Variants in ADTRP observed in about 807,000 individuals in gnomAD.
ADTRP encodes the protein androgen dependent TFPI regulating protein.
A neutral mutation model predicts 27.0 loss-of-function variants in ADTRP; 20 were observed. The observed-to-expected ratio is 0.74, with a 90% CI of 0.52 to 1.08. The LOEUF is 1.08. Among genes scored for constraint, ADTRP ranks in the 50% least tolerant of loss-of-function variants. The pLI is 0.00. For missense variants in ADTRP, 251 were observed against 275.0 expected (o/e 0.91, Z 0.62); for synonymous variants, 101 against 105.2 (o/e 0.96, Z 0.25).
chr6:11,715,653 T>C (rs1190942072), intron 5 of ADTRP, among the ~76,000 whole-genome samples: 1 of 26,864 alleles, frequency 3.7e-5, no homozygotes, highest in Non-Finnish European at 1.5e-4. Context: ...TTTCCCTTTT[T>C]TTTTTTTTTT....
intron 3 of ADTRP, among the ~76,000 whole-genome samples, chr6:11,764,307 A>G (rs1047159782): frequency 2.0e-5 from 3 of 152,246 alleles, no homozygotes; most frequent in Non-Finnish European, 2.9e-5. Context: ...ACTATTTGAA[A>G]GAAATCCAAC....
chr6:11,754,906 G>A, intron 3 of ADTRP: 3 of 453,650 alleles, frequency 6.6e-6, no homozygotes, highest in South Asian at 1.9e-4. Flanking sequence ...CGCCCAGCAG[G>A]CTGCTCTCGG....
intron 3 of ADTRP, among the ~76,000 whole-genome samples, chr6:11,746,328 C>T (rs979888896): frequency 6.6e-6 from 1 of 152,120 alleles, no homozygotes; most frequent in Non-Finnish European, 1.5e-5. Context: ...AAGAATAAAG[C>T]ATATAGGAGA....
At chr6:11,727,547 G>A (rs944152618) in intron 4 of ADTRP, among the ~76,000 whole-genome samples, 1 of 152,082 alleles carries the variant, frequency 6.6e-6, no homozygotes, top group Non-Finnish European at 1.5e-5. Context: ...TTGAAATTAG[G>A]GCTTCTGAAT....
intron 4 of ADTRP, among the ~76,000 whole-genome samples, chr6:11,729,376 C>T (rs1173656407): frequency 3.3e-5 from 5 of 152,128 alleles, no homozygotes; most frequent in Non-Finnish European, 5.9e-5. Flanking sequence ...CCCAACCCCT[C>T]CCTGAGACAC....
chr6:11,768,612 A>G (rs1356193725), intron 1 of ADTRP, among the ~76,000 whole-genome samples: 1 of 152,220 alleles, frequency 6.6e-6, no homozygotes, highest in Non-Finnish European at 1.5e-5. Flanking sequence ...TAATGTGTAC[A>G]GTATTTAGTG....
At chr6:11,725,472 G>A (rs760748457) in intron 4 of ADTRP, among the ~76,000 whole-genome samples, 1 of 152,166 alleles carries the variant, frequency 6.6e-6, no homozygotes, top group Non-Finnish European at 1.5e-5. Flanking sequence ...AAATGACAGT[G>A]AGATATTGTC....
intron 3 of ADTRP, among the ~76,000 whole-genome samples, chr6:11,759,724 T>C (rs933852326): frequency 1.3e-5 from 2 of 152,216 alleles, no homozygotes; most frequent in African/African-American, 2.4e-5. Flanking sequence ...ATATGTTACC[T>C]TGCATGACAA....
chr6:11,770,917 A>G (rs936417335), intron 1 of ADTRP, among the ~76,000 whole-genome samples: 10 of 152,162 alleles, frequency 6.6e-5, no homozygotes, highest in African/African-American at 2.4e-4. Flanking sequence ...GCGCTGTTCT[A>G]TCAGCAGGGC....
chr6:11,727,910 AGAAGAAG>A (rs1166128633), intron 4 of ADTRP, among the ~76,000 whole-genome samples: 1 of 107,708 alleles, frequency 9.3e-6, no homozygotes, highest in African/African-American at 2.8e-5. Flanking sequence ...GAGAGGGGAA[AGAAGAAG>A]GAAGGAAGGA....
At chr6:11,764,894 TA>T (rs34204085) in intron 3 of ADTRP, among the ~76,000 whole-genome samples, 13,828 of 121,894 alleles carry the variant, frequency 0.11, 741 homozygotes, top group African/African-American at 0.15. Context: ...TACCATTTCT[TA>T]AAAAAAAAAA....
intron 3 of ADTRP, among the ~76,000 whole-genome samples, chr6:11,745,741 AACATATAACT>A (rs2113269661): frequency 6.6e-6 from 1 of 152,372 alleles, no homozygotes; most frequent in South Asian, 2.1e-4. Context: ...TATTATTAAA[AACATATAACT>A]ACATGTGAGA....
intron 4 of ADTRP, among the ~76,000 whole-genome samples, chr6:11,732,738 T>C (rs1224181562): frequency 6.6e-6 from 1 of 152,130 alleles, no homozygotes; most frequent in Non-Finnish European, 1.5e-5. Context: ...CCCAGTCACG[T>C]TCCTGCTGGT....
chr6:11,750,643 CA>C (rs947536171), intron 3 of ADTRP, among the ~76,000 whole-genome samples: 1 of 152,240 alleles, frequency 6.6e-6, no homozygotes, highest in Non-Finnish European at 1.5e-5. Flanking sequence ...AACACTCCAG[CA>C]AATTCATCTA....
At chr6:11,716,055 T>C (rs772614093) in intron 5 of ADTRP, among the ~76,000 whole-genome samples, 11 of 152,080 alleles carry the variant, frequency 7.2e-5, no homozygotes, top group Non-Finnish European at 1.6e-4. Context: ...GCACAGTACC[T>C]CCTTTTTCTG....
intron 3 of ADTRP, among the ~76,000 whole-genome samples, chr6:11,758,090 C>G (rs1763269356): frequency 6.6e-6 from 1 of 152,210 alleles, no homozygotes; most frequent in South Asian, 2.1e-4. Context: ...CCAACTCATT[C>G]ATCATCTGTT....
chr6:11,761,713 A>G (rs1053908767), intron 3 of ADTRP, among the ~76,000 whole-genome samples: 5 of 152,178 alleles, frequency 3.3e-5, no homozygotes, highest in African/African-American at 1.2e-4. Context: ...CAGTTATGTC[A>G]GGTGTTCTAG....
rs112324696 is a variant in ADTRP at position 11,714,139 on chromosome 6, CT to C, written c.*338del. 3.6e-6 allele frequency: 1 copy of C among 279,740 alleles called. No individual in the cohort carries two copies. The highest frequency in any genetic ancestry group is 2.3e-5 in the African/African-American group (1 of 43,432). The allele number at this position is 279,740 out of a possible 1,614,324, so 17.3% of individuals were successfully genotyped here. A position where few individuals can be genotyped will look rare whatever the true frequency, so the allele number is the denominator to read the frequency against. ...TGTAAACTGAAGAGTTTAAATGACT[CT>C]AAGTTCCTCTCTCTCTCTCTAGATG... On this transcript the variant is annotated 3_prime_UTR_variant, in exon 6 of 6. Coordinates refer to ENST00000414691, the MANE Select transcript of ADTRP (RefSeq NM_032744.4).
At chr6:11,768,762 CAG>C (rs1763656232) in intron 1 of ADTRP, among the ~76,000 whole-genome samples, 1 of 152,074 alleles carries the variant, frequency 6.6e-6, no homozygotes, top group Non-Finnish European at 1.5e-5. Flanking sequence ...ACAGGGTGGA[CAG>C]AGTCAGGAGT....
Sources: allele counts gnomAD v4.1 joint callset (sites outside exome capture counted in the v4.1 genomes callset), GRCh38; gene constraint gnomAD v4.1.1; transcripts MANE v1.5; gene names NCBI Gene and HGNC (gene_info 2026-07-23, HGNC 2026-07-21).